Variants in DIAPH2 observed in about 807,000 individuals in gnomAD.
DIAPH2 encodes the protein protein diaphanous homolog 2.
DIAPH2 carries 35 observed loss-of-function variants against 92.7 expected under a neutral mutation model. The ratio of observed to expected loss-of-function variants is 0.38; its 90% CI spans 0.29 to 0.50. The LOEUF is 0.50. Among genes scored for constraint, DIAPH2 ranks in the 20% least tolerant of loss-of-function variants. The pLI is 0.94. For missense variants in DIAPH2, 701 were observed against 819.5 expected (o/e 0.86, Z 1.77); for synonymous variants, 301 against 280.4 (o/e 1.07, Z -0.73).
At chrX:96,973,143 G>C (rs1435316513) in intron 17 of DIAPH2, among the ~76,000 whole-genome samples, 1 of 111,691 alleles carries the variant, frequency 9.0e-6, no homozygotes, top group African/African-American at 3.3e-5. Flanking sequence ...TCTCATCTCT[G>C]TGTAGGCCTC....
At chrX:97,194,429 C>T (rs961306125) in intron 22 of DIAPH2, among the ~76,000 whole-genome samples, 1 of 109,442 alleles carries the variant, frequency 9.1e-6, no homozygotes, top group Non-Finnish European at 1.9e-5. Flanking sequence ...CTACAGGCAC[C>T]CGCCACCAAG....
chrX:96,983,856 C>A (rs947775403), intron 17 of DIAPH2, among the ~76,000 whole-genome samples: 1 of 111,558 alleles, frequency 9.0e-6, no homozygotes, highest in Non-Finnish European at 1.9e-5. Context: ...TTTGAAAATA[C>A]CATTATCACT....
chrX:97,337,328 T>C (rs1411320618), intron 23 of DIAPH2, among the ~76,000 whole-genome samples: 1 of 110,924 alleles, frequency 9.0e-6, no homozygotes, highest in Non-Finnish European at 1.9e-5. Context: ...CACCCAAATG[T>C]CATCTTGAAT....
chrX:96,741,165 A>AT (rs1036854572), intron 3 of DIAPH2, among the ~76,000 whole-genome samples: 3 of 108,180 alleles, frequency 2.8e-5, no homozygotes, highest in African/African-American at 1.0e-4. Flanking sequence ...TGCTTCAATA[A>AT]TTTTTTCTTC....
intron 4 of DIAPH2, among the ~76,000 whole-genome samples, chrX:96,822,938 A>T (rs1386734441): frequency 8.9e-6 from 1 of 112,262 alleles, no homozygotes; most frequent in African/African-American, 3.2e-5. Flanking sequence ...ATAAAATATA[A>T]GTTACATATA....
At chrX:97,486,183 A>T (rs1383424890) in intron 26 of DIAPH2, among the ~76,000 whole-genome samples, 1 of 111,619 alleles carries the variant, frequency 9.0e-6, no homozygotes, top group African/African-American at 3.3e-5. Context: ...GTCTTTCATA[A>T]TTATTATTCA....
chrX:96,750,051 GTTTTTT>G (rs753887199), intron 3 of DIAPH2, among the ~76,000 whole-genome samples: 2 of 71,044 alleles, frequency 2.8e-5, no homozygotes, highest in Non-Finnish European at 5.1e-5. Context: ...TATATTTCAA[GTTTTTT>G]TTTTTTTTTT....
intron 26 of DIAPH2, among the ~76,000 whole-genome samples, chrX:97,488,526 C>A (rs181292507): frequency 1.8e-5 from 2 of 112,023 alleles, no homozygotes; most frequent in Admixed American, 1.9e-4. Flanking sequence ...ATTGCCCAGA[C>A]CAATACCATG....
intron 1 of DIAPH2, among the ~76,000 whole-genome samples, chrX:96,730,172 C>T (rs1291609101): frequency 3.6e-5 from 4 of 111,823 alleles, no homozygotes; most frequent in Admixed American, 9.5e-5. Context: ...TTTAAGTACA[C>T]GCAGTAAATA....
chrX:96,805,559 G>A (rs2064618103), intron 4 of DIAPH2, among the ~76,000 whole-genome samples: 1 of 111,022 alleles, frequency 9.0e-6, no homozygotes. Context: ...AATATAGGGG[G>A]ACCATGCTAA....
intron 16 of DIAPH2, among the ~76,000 whole-genome samples, chrX:96,962,492 C>CATATATATATAT (rs1356349349): frequency 5.1e-5 from 1 of 19,549 alleles, no homozygotes; most frequent in African/African-American, 1.5e-4. Flanking sequence ...CACACACACA[C>CATATATATATAT]ACACATATAT....
At chrX:96,921,059 A>C (rs2065539173) in intron 9 of DIAPH2, among the ~76,000 whole-genome samples, 1 of 112,198 alleles carries the variant, frequency 8.9e-6, no homozygotes, top group African/African-American at 3.2e-5. Context: ...GTTGTATTTT[A>C]ACAGAATGAC....
chrX:97,333,389 C>G (rs1253856425), intron 23 of DIAPH2, among the ~76,000 whole-genome samples: 2 of 111,210 alleles, frequency 1.8e-5, no homozygotes, highest in Non-Finnish European at 3.8e-5. Context: ...TATTCTCTGC[C>G]CCCAAAATAG....
At chrX:97,052,905 T>G (rs2147895452) in intron 17 of DIAPH2, among the ~76,000 whole-genome samples, 1 of 111,159 alleles carries the variant, frequency 9.0e-6, no homozygotes, top group East Asian at 2.8e-4. Context: ...CTTAAGGTTT[T>G]CTTTTTTTTA....
chrX:97,429,234 A>G (rs2070101226), intron 25 of DIAPH2, among the ~76,000 whole-genome samples: 1 of 112,319 alleles, frequency 8.9e-6, no homozygotes, highest in African/African-American at 3.2e-5. Flanking sequence ...AAGTATTAAT[A>G]CAATCAGTAT....
chrX:97,557,305 G>A (rs1160355491), intron 26 of DIAPH2, among the ~76,000 whole-genome samples: 3 of 111,552 alleles, frequency 2.7e-5, no homozygotes, highest in Admixed American at 9.5e-5. Context: ...TTGGGAGGCC[G>A]AAGTGGGCAG....
At position 96,825,090 on chromosome X, in the gene DIAPH2, C is replaced by G. The variant is rs185683556; in HGVS notation, c.448-56489C>G. Among the ~76,000 whole-genome samples the G allele has an allele frequency of 7.5e-3, 799 of 106,539 alleles. 4 individuals are homozygous for G. Among genetic ancestry groups the G allele is most frequent in the African/African-American group, 0.026 (750 of 29,180 alleles). 92.5% of individuals were successfully genotyped at this position (106,539 alleles called of 115,157 possible). On this transcript the variant is annotated intron_variant, in intron 4 of 26. Transcript: ENST00000324765. ...CCTCCCGAGTAGCTGGGATTACAGG[C>G]GCATGCCACCACGCCTGGCTAATTT...
intron 1 of DIAPH2, among the ~76,000 whole-genome samples, chrX:96,725,270 A>G (rs2147554796): frequency 8.9e-6 from 1 of 112,230 alleles, no homozygotes; most frequent in East Asian, 2.8e-4. Context: ...TATCCAAATT[A>G]AAACTAAGTA....
chrX:97,237,668 A>G (rs1408980703), intron 22 of DIAPH2, among the ~76,000 whole-genome samples: 1 of 108,119 alleles, frequency 9.2e-6, no homozygotes, highest in African/African-American at 3.4e-5. Flanking sequence ...TGCAAGCTCC[A>G]CCTCCCGGGT....
Sources: allele counts gnomAD v4.1 joint callset (sites outside exome capture counted in the v4.1 genomes callset), GRCh38; gene constraint gnomAD v4.1.1; transcripts MANE v1.5; gene names NCBI Gene and HGNC (gene_info 2026-07-23, HGNC 2026-07-21).